Variants in XPO7 observed in about 807,000 individuals in gnomAD.
XPO7 encodes the protein exportin-7.
XPO7 carries 21 observed loss-of-function variants against 144.3 expected under a neutral mutation model. The observed-to-expected ratio is 0.15, with a 90% CI of 0.10 to 0.21. The LOEUF (loss-of-function observed/expected upper bound fraction) is 0.21, where lower values mean the gene tolerates loss of function less well. Among genes scored for constraint, XPO7 ranks in the 10% least tolerant of loss-of-function variants. The probability of loss-of-function intolerance (pLI) is 1.00; values close to 1 mark genes in which losing one functional copy is unlikely to be tolerated. For missense variants in XPO7, 808 were observed against 1,325.8 expected, an observed-to-expected ratio of 0.61 and a Z score of 6.06; for synonymous variants, 580 against 499.6, an observed-to-expected ratio of 1.16 and a Z score of -2.15.
Position 22,005,061 on chromosome 8 carries a change from C to T in XPO7, c.3237C>T (p.Gly1079=), listed in dbSNP as rs146292138. The change falls in exon 28 of 28, where the codon GGC becomes GGT. Residue 1079 remains glycine, a synonymous_variant. Coordinates refer to ENST00000252512, the MANE Select transcript of XPO7 (RefSeq NM_015024.5). ...VNDSMKNSTY[G]VNSNDMMS is the part of the protein sequence containing the mutation. ...ACTCAATGAAGAATTCCACTTATGG[C>T]GTGAATAGCAATGACATGATGAGCT... 2.5e-4 allele frequency: 397 copies of T among 1,612,920 alleles called. No individual in the cohort carries two copies. The highest frequency in any genetic ancestry group is 3.3e-4 in the Middle Eastern group (2 of 6,056).
At chr8:21,932,337 A>C (rs1345465071) in intron 1 of XPO7, among the ~76,000 whole-genome samples, 1 of 152,246 alleles carries the variant, frequency 6.6e-6, no homozygotes, top group South Asian at 2.1e-4. Flanking sequence ...TGAGAAAACT[A>C]GCAATCTGTG....
intron 9 of XPO7, 23 bp downstream of exon 9, chr8:21,980,226 A>T (rs1480866316): frequency 2.6e-6 from 4 of 1,561,742 alleles, no homozygotes; most frequent in Non-Finnish European, 2.6e-6. Context: ...GAGAATTTAC[A>T]TATGTATAGG....
intron 11 of XPO7, among the ~76,000 whole-genome samples, chr8:21,983,330 A>C (rs773212653): frequency 3.3e-5 from 5 of 152,248 alleles, no homozygotes; most frequent in Non-Finnish European, 7.3e-5. Context: ...AAAATCCCGT[A>C]GCTAAAGAAA....
In XPO7 at chr8:22,005,340, G is replaced by C. The variant is rs1263177379; in HGVS notation, c.*252G>C. Reference sequence around the variant, plus strand: ...GGAGGAGATAAGAGATACAAACTGAGACTCCAGCCTCTCCTCCTGGGGCCA... The same window carrying C: ...GGAGGAGATAAGAGATACAAACTGACACTCCAGCCTCTCCTCCTGGGGCCA... On this transcript the variant is annotated 3_prime_UTR_variant, in exon 28 of 28. Transcript: ENST00000252512. 9.4e-6 allele frequency: 3 copies of C among 318,216 alleles called. No homozygotes were observed. Among genetic ancestry groups the C allele is most frequent in the Non-Finnish European group, 1.7e-5 (3 of 174,428 alleles). The allele number at this position is 318,216 out of a possible 1,614,324, so 19.7% of individuals were successfully genotyped here.
intron 6 of XPO7, 138 bp from the exon 7 acceptor site, chr8:21,976,218 C>T: frequency 1.2e-6 from 1 of 861,118 alleles, no homozygotes; most frequent in Non-Finnish European, 1.8e-6. Flanking sequence ...AGAAGTACCA[C>T]ATCTTTGGAG....
chr8:21,976,418 C>A lies in XPO7; in HGVS notation c.660C>A (p.Leu220=). 1 of 1,614,004 alleles carries A rather than the reference C, an allele frequency of 6.2e-7. No homozygotes were observed. The highest frequency in any genetic ancestry group is 1.1e-5 in the South Asian group (1 of 91,072). The change falls in exon 7 of 28, where the codon CTC becomes CTA. Residue 220 remains leucine (L), a synonymous_variant. Transcript: ENST00000252512. ...ESQHGLLMQL[L]KLTHNCLNFD... ...AGCATGGCTTGCTCATGCAACTGCT[C>A]AAGCTCACTCATAACTGCCTCAACT...
At chr8:21,951,907 T>G (rs550331091) in intron 1 of XPO7, among the ~76,000 whole-genome samples, 1 of 152,220 alleles carries the variant, frequency 6.6e-6, no homozygotes, top group Admixed American at 6.5e-5. Flanking sequence ...CTAGAAGTGA[T>G]GAAGAGACAC....
intron 5 of XPO7, among the ~76,000 whole-genome samples, chr8:21,973,332 T>A (rs140721625): frequency 6.6e-6 from 1 of 152,240 alleles, no homozygotes; most frequent in Non-Finnish European, 1.5e-5. Context: ...GATTTTACTT[T>A]TCTAAGAAAG....
intron 7 of XPO7, 117 bp downstream of exon 7, chr8:21,976,638 A>C: frequency 8.1e-7 from 1 of 1,227,128 alleles, no homozygotes. Flanking sequence ...TTGAGAAAAA[A>C]TTCTAACGTC....
In XPO7 at chr8:21,919,750, G is replaced by A; in HGVS notation, c.-21G>A. The A allele has an allele frequency of 1.9e-6, 1 of 521,848 alleles. No individual in the cohort carries two copies. Among genetic ancestry groups the A allele is most frequent in the Non-Finnish European group, 2.7e-6 (1 of 373,716 alleles). The allele number at this position is 521,848 out of a possible 1,614,324, so 32.3% of individuals were successfully genotyped here. Reference sequence around the variant, plus strand: ...GCGCTGGGGGGGAGGGGGGGCCGGAGAGGAGCATGAATGGAGCAAAATGGC... The same window carrying A: ...GCGCTGGGGGGGAGGGGGGGCCGGAAAGGAGCATGAATGGAGCAAAATGGC... On this transcript the variant is annotated 5_prime_UTR_variant, in exon 1 of 28. Coordinates refer to ENST00000252512, the MANE Select transcript of XPO7 (RefSeq NM_015024.5).
intron 13 of XPO7, among the ~76,000 whole-genome samples, chr8:21,986,727 A>G (rs1309546180): frequency 6.6e-6 from 1 of 152,218 alleles, no homozygotes; most frequent in African/African-American, 2.4e-5. Context: ...GTGTAGCAAC[A>G]CAATGATGGA....
intron 18 of XPO7, 108 bp from the exon 19 acceptor site, chr8:21,991,759 AC>A (rs1472472995): frequency 5.9e-6 from 4 of 678,144 alleles, no homozygotes; most frequent in African/African-American, 3.7e-5. Flanking sequence ...TAATAAAGGG[AC>A]CCCCTTGAGT....
intron 1 of XPO7, among the ~76,000 whole-genome samples, chr8:21,946,580 A>AAC (rs1554512853): frequency 3.2e-5 from 4 of 123,752 alleles, no homozygotes; most frequent in East Asian, 4.8e-4. Flanking sequence ...AACTGAAAAA[A>AAC]AAAAACAAAA....
chr8:21,994,194 A>T (rs1457346636), intron 19 of XPO7, among the ~76,000 whole-genome samples, 169 bp from the exon 20 acceptor site: 1 of 152,200 alleles, frequency 6.6e-6, no homozygotes, highest in Non-Finnish European at 1.5e-5. Context: ...CACTGCTAGA[A>T]TGAAAATATG....
At chr8:22,003,405 A>G (rs1813221091) in intron 26 of XPO7, 88 bp downstream of exon 26, 2 of 1,026,722 alleles carry the variant, frequency 1.9e-6, no homozygotes, top group Non-Finnish European at 2.9e-6. Flanking sequence ...ATGTGTATAG[A>G]AACACCCCAC....
At chr8:21,932,828 A>T (rs1810697247) in intron 1 of XPO7, among the ~76,000 whole-genome samples, 1 of 152,206 alleles carries the variant, frequency 6.6e-6, no homozygotes, top group East Asian at 1.9e-4. Flanking sequence ...TACCTGTGAT[A>T]TAGAGGTGTA....
chr8:22,000,081 ACTGG>A (rs1267466148), intron 24 of XPO7, among the ~76,000 whole-genome samples: 2 of 152,228 alleles, frequency 1.3e-5, no homozygotes, highest in Non-Finnish European at 2.9e-5. Flanking sequence ...ATCAAGGAAG[ACTGG>A]CTGGAAGACT....
At chr8:22,000,587 G>T (rs1321550194) in intron 24 of XPO7, among the ~76,000 whole-genome samples, 6 of 151,710 alleles carry the variant, frequency 4.0e-5, no homozygotes, top group Admixed American at 3.9e-4. Context: ...CAAGTAGCTG[G>T]GACTATAGGC....
At chr8:21,975,344 A>G (rs565142633) in intron 6 of XPO7, among the ~76,000 whole-genome samples, 2 of 152,362 alleles carry the variant, frequency 1.3e-5, no homozygotes, top group African/African-American at 4.8e-5. Context: ...ACATAAGGAA[A>G]TTACCTGTGT....
Sources: gnomAD v4.1 joint callset for allele counts (sites outside exome capture counted in the v4.1 genomes callset) on GRCh38, gnomAD v4.1.1 for gene constraint, MANE v1.5 for transcripts, NCBI Gene and HGNC (gene_info 2026-07-23, HGNC 2026-07-21) for gene names.